Variants in UPK3A observed in about 807,000 individuals in gnomAD.
The protein encoded by UPK3A is uroplakin 3A, also known as uroplakin-3a.
In UPK3A, 32 loss-of-function variants were observed where a neutral mutation model predicts 27.6. That is an observed-to-expected ratio of 1.16 (90% CI 0.87 to 1.55). The LOEUF (loss-of-function observed/expected upper bound fraction) is 1.55, where lower values mean the gene tolerates loss of function less well. Among genes scored for constraint, UPK3A ranks in the 40% most tolerant of loss-of-function variants. The pLI, the probability that UPK3A is intolerant of heterozygous loss-of-function variation, is 0.00. For synonymous variants in UPK3A, 171 were observed against 163.9 expected (o/e 1.04, Z -0.33); for missense variants, 370 against 367.9 (o/e 1.01, Z -0.05).
intron 1 of UPK3A, 123 bp from the exon 2 acceptor site, chr22:45,285,818 C>A: frequency 7.2e-7 from 1 of 1,380,762 alleles, no homozygotes. Context: ...ACAGCTTATG[C>A]GGTGGCCCAG....
chr22:45,293,076 C>G (rs754698374), intron 4 of UPK3A, 105 bp from the exon 5 acceptor site: 4 of 1,552,178 alleles, frequency 2.6e-6, no homozygotes, highest in Non-Finnish European at 3.5e-6. Context: ...CAGGGTCATC[C>G]CTGGATCCCC....
At chr22:45,294,356 T>G (rs1454861763) in intron 5 of UPK3A, among the ~76,000 whole-genome samples, 8 of 151,692 alleles carry the variant, frequency 5.3e-5, no homozygotes, top group African/African-American at 1.9e-4. Context: ...GTGAATCAGG[T>G]TGGTGGGCTG....
chr22:45,295,599 C>T lies in UPK3A; in HGVS notation c.744C>T (p.Ser248=), dbSNP rs1289099533. The T allele has an allele frequency of 2.5e-6, 4 of 1,613,950 alleles. No homozygotes were observed. The African/African-American group carries it at 5.3e-5, about 22-fold the overall frequency. Residue 248 remains serine, a synonymous_variant, in exon 6 of 6, where the codon TCC becomes TCT. Transcript: ENST00000216211. The part of the protein sequence containing the change: ...GSSDGETTHD[S]QITQEAVPKS... ...CTGATGGGGAAACGACTCACGACTC[C>T]CAAATCACTCAGGAGGCTGTTCCCA...
chr22:45,289,303 G>A (rs2084142526), intron 4 of UPK3A, among the ~76,000 whole-genome samples, 160 bp downstream of exon 4: 1 of 152,180 alleles, frequency 6.6e-6, no homozygotes, highest in Non-Finnish European at 1.5e-5. Context: ...CAGGCCAGGT[G>A]TGGTGGCTCA....
At position 45,289,144 on chromosome 22, in the gene UPK3A, G is replaced by GT. The variant is rs780544991; in HGVS notation, c.571+2dup. On this transcript the variant is annotated splice_donor_variant, in intron 4 of 5. Transcript: ENST00000216211. LOFTEE classifies it high-confidence loss of function. ...TCAGACCCCATCCGCACCAACCAGC[G>GT]TAAGTGGTGGGCAGTGGTGGTGGTG... The GT allele has an allele frequency of 1.2e-6, 2 of 1,613,932 alleles. No individual in the cohort carries two copies. Among genetic ancestry groups the GT allele is most frequent in the Non-Finnish European group, 1.7e-6 (2 of 1,179,976 alleles).
At chr22:45,287,607 A>G (rs1350599989) in intron 3 of UPK3A, among the ~76,000 whole-genome samples, 156 bp downstream of exon 3, 2 of 152,216 alleles carry the variant, frequency 1.3e-5, no homozygotes, top group African/African-American at 4.8e-5. Flanking sequence ...TCAAGTTCAG[A>G]AGAGGCCCCT....
chr22:45,286,503 C>T (rs370339036), intron 2 of UPK3A, among the ~76,000 whole-genome samples: 2 of 152,118 alleles, frequency 1.3e-5, no homozygotes, highest in East Asian at 3.9e-4. Context: ...AAAGGTGGCT[C>T]AAGATTGGTG....
At chr22:45,291,136 C>T (rs2084157594) in intron 4 of UPK3A, among the ~76,000 whole-genome samples, 5 of 152,164 alleles carry the variant, frequency 3.3e-5, no homozygotes, top group Admixed American at 2.6e-4. Context: ...TCCACAAAAC[C>T]GATCCCTGGT....
chr22:45,286,061 C>T lies in UPK3A; in HGVS notation c.173C>T (p.Thr58Ile), dbSNP rs559648608. Residue 58 changes from threonine (T) to isoleucine (I), a missense_variant, in exon 2 of 6, where the codon ACC becomes ATC. Thr to Ile is a moderately conservative substitution (Grantham distance 89). Transcript: ENST00000216211. ...GACAGCAAAGAGGCCCTCACTGGCA[C>T]CCACGAGGTCTACCTGTATGTCCTG... ...MFDSKEALTG[T>I]HEVYLYVLVD... 6.2e-7 allele frequency: 1 copy of T among 1,614,194 alleles called. No homozygotes were observed. The highest frequency in any genetic ancestry group is 8.5e-7 in the Non-Finnish European group (1 of 1,180,034).
chr22:45,284,999 G>C lies in UPK3A; in HGVS notation c.-15G>C. 6.5e-7 allele frequency: 1 copy of C among 1,529,856 alleles called. No homozygotes were observed. Among genetic ancestry groups the C allele is most frequent in the Non-Finnish European group, 8.7e-7 (1 of 1,144,814 alleles). 94.8% of individuals were successfully genotyped at this position (1,529,856 alleles called of 1,614,324 possible). On this transcript the variant is annotated 5_prime_UTR_variant, in exon 1 of 6. Transcript: ENST00000216211. The stretch of plus-strand genomic sequence containing the variant: ...TGGACCGCCCGCCCCGCGCTCTGGC[G>C]GCTCCTCCCGGGCGATGCCTCCGCT...
At chr22:45,289,752 C>CAA (rs148728583) in intron 4 of UPK3A, among the ~76,000 whole-genome samples, 18 of 120,962 alleles carry the variant, frequency 1.5e-4, no homozygotes, top group South Asian at 1.0e-3. Context: ...GACTCTGTCT[C>CAA]AAAAAAAAAA....
chr22:45,288,989 T>TC (rs952813670), intron 3 of UPK3A, 72 bp from the exon 4 acceptor site: 11 of 1,491,552 alleles, frequency 7.4e-6, no homozygotes, highest in African/African-American at 6.9e-5. Flanking sequence ...CCATCCTACA[T>TC]CCCCCCACCG....
Position 45,284,957 on chromosome 22 carries a change from T to C in UPK3A, c.-57T>C, listed in dbSNP as rs1467035965. On this transcript the variant is annotated 5_prime_UTR_variant, in exon 1 of 6. Transcript: ENST00000216211. Reference sequence around the variant, plus strand: ...GGTGCCCTGGCAGGGACAGGTCTGGTGCCCGCGCCTGCTCGCTGGACCGCC... The same window carrying C: ...GGTGCCCTGGCAGGGACAGGTCTGGCGCCCGCGCCTGCTCGCTGGACCGCC... 64 of 1,490,726 alleles carry C rather than the reference T, an allele frequency of 4.3e-5. No homozygotes were observed. Among genetic ancestry groups the C allele is most frequent in the Middle Eastern group, 4.7e-4 (2 of 4,268 alleles). The allele number at this position is 1,490,726 out of a possible 1,614,324, so 92.3% of individuals were successfully genotyped here. A position where few individuals can be genotyped will look rare whatever the true frequency, so the allele number is the denominator to read the frequency against.
At chr22:45,294,765 G>A (rs181872934) in intron 5 of UPK3A, among the ~76,000 whole-genome samples, 1 of 152,014 alleles carries the variant, frequency 6.6e-6, no homozygotes, top group African/African-American at 2.4e-5. Context: ...TCCGGCTCCA[G>A]CTGCACTAAA....
rs145959795 is a variant in UPK3A, at chr22:45,294,375, C to G, written c.704+1062C>G. Among the ~76,000 whole-genome samples, 7 of 151,156 alleles carry G rather than the reference C, an allele frequency of 4.6e-5. No homozygotes were observed. In the East Asian group the frequency reaches 1.4e-3, roughly 30 times the overall value. The stretch of plus-strand genomic sequence containing the variant: ...ATCAGGTTGGTGGGCTGTGGGCTCA[C>G]CTGTCTTCCGCACCCCCATCCCTGC... On this transcript the variant is annotated intron_variant, in intron 5 of 5. Transcript: ENST00000216211.
chr22:45,292,203 G>C (rs980687771), intron 4 of UPK3A, among the ~76,000 whole-genome samples: 2 of 152,152 alleles, frequency 1.3e-5, no homozygotes, highest in Non-Finnish European at 2.9e-5. Flanking sequence ...TCTGCAGCAG[G>C]GTTCCTTTGG....
Position 45,293,200 on chromosome 22 carries a change from C to T in UPK3A, c.591C>T (p.Ile197=), listed in dbSNP as rs1417706617. ...RTNQLTPYST[I]DTWPGRRSGG... is the part of the protein sequence containing the mutation. ...CCACAGTCACCCCATACTCGACGATCGACACGTGGCCAGGCCGGCGGAGCG... is the reference window on the plus strand; with the variant it reads ...CCACAGTCACCCCATACTCGACGATTGACACGTGGCCAGGCCGGCGGAGCG... The change falls in exon 5 of 6, where the codon ATC becomes ATT. Residue 197 remains isoleucine (I), a synonymous_variant. Transcript: ENST00000216211. 2.5e-6 allele frequency: 4 copies of T among 1,613,876 alleles called. No individual in the cohort carries two copies. The highest frequency in any genetic ancestry group is 3.4e-6 in the Non-Finnish European group (4 of 1,180,046).
At position 45,287,418 on chromosome 22, in the gene UPK3A, G is replaced by A. The variant is rs1439597314; in HGVS notation, c.455G>A (p.Cys152Tyr). The A allele has an allele frequency of 1.2e-6, 2 of 1,609,482 alleles. No homozygotes were observed. The highest frequency in any genetic ancestry group is 2.2e-5 in the South Asian group (2 of 90,392). ...TGGGATCCCAACTTCCAGGGCCTCT[G>A]TAACGCACCCCTGTCGGCAGCCACG... ...CLWDPNFQGLCNAPLSAATEY... is the reference protein window; with the variant it reads ...CLWDPNFQGLYNAPLSAATEY... The change falls in exon 3 of 6, where the codon TGT (cysteine) becomes TAT (tyrosine). Residue 152 changes from cysteine (C) to tyrosine (Y), a missense_variant. Transcript: ENST00000216211.
At position 45,289,059 on chromosome 22, in the gene UPK3A, A is replaced by G; in HGVS notation, c.489-2A>G. The G allele has an allele frequency of 1.2e-6, 2 of 1,613,798 alleles. No homozygotes were observed. Among genetic ancestry groups the G allele is most frequent in the Non-Finnish European group, 1.7e-6 (2 of 1,179,994 alleles). ...AGTCACCCTGGCTCCGTCTCCTTCC[A>G]GGTTCAAGTATGTCCTGGTCAATAT... is the stretch of plus-strand genomic sequence containing the variant. On this transcript the variant is annotated splice_acceptor_variant, in intron 3 of 5. Transcript: ENST00000216211. LOFTEE classifies it high-confidence loss of function.
Sources: gnomAD v4.1 joint callset for allele counts (sites outside exome capture counted in the v4.1 genomes callset) on GRCh38, gnomAD v4.1.1 for gene constraint, MANE v1.5 for transcripts, NCBI Gene and HGNC (gene_info 2026-07-23, HGNC 2026-07-21) for gene names.